The following RCAN2 variants were observed in gnomAD, a reference collection of about 807,000 sequenced individuals.
The protein encoded by RCAN2 is regulator of calcineurin 2.
Under a neutral mutation model 23.6 loss-of-function variants are expected in RCAN2, and 9 were observed. The ratio of observed to expected loss-of-function variants is 0.38; its 90% CI spans 0.23 to 0.67. The LOEUF (loss-of-function observed/expected upper bound fraction) is 0.67. Ranked by LOEUF, RCAN2 falls within the 30% of genes least tolerant of loss-of-function variation. RCAN2 has a pLI of 0.51. For synonymous variants in RCAN2, 109 were observed against 115.7 expected, an observed-to-expected ratio of 0.94 and a Z score of 0.37; for missense variants, 273 against 302.3, an observed-to-expected ratio of 0.90 and a Z score of 0.72.
intron 2 of RCAN2, among the ~76,000 whole-genome samples, chr6:46,345,121 T>G (rs977251538): frequency 6.6e-6 from 1 of 152,016 alleles, no homozygotes; most frequent in Non-Finnish European, 1.5e-5. Context: ...TAGGTCTACA[T>G]TATCAAAGTA....
chr6:46,271,389 G>T (rs570899307), intron 2 of RCAN2, among the ~76,000 whole-genome samples: 1 of 152,174 alleles, frequency 6.6e-6, no homozygotes. Flanking sequence ...GCCCACACAC[G>T]CTATGAAGGT....
intron 4 of RCAN2, among the ~76,000 whole-genome samples, chr6:46,242,034 A>C (rs1476051309): frequency 2.0e-5 from 3 of 152,172 alleles, no homozygotes; most frequent in Admixed American, 1.3e-4. Flanking sequence ...TAATTTTCGG[A>C]ATATAAACTT....
At chr6:46,412,938 G>T (rs961908607) in intron 2 of RCAN2, among the ~76,000 whole-genome samples, 3 of 152,196 alleles carry the variant, frequency 2.0e-5, no homozygotes, top group African/African-American at 7.2e-5. Flanking sequence ...TTCACTTAGA[G>T]CCATGTGAGG....
intron 1 of RCAN2, among the ~76,000 whole-genome samples, chr6:46,488,159 A>C (rs1009077924): frequency 1.3e-5 from 2 of 152,338 alleles, no homozygotes; most frequent in Non-Finnish European, 2.9e-5. Context: ...AAAAAGAATT[A>C]TTTTAATGCT....
chr6:46,272,450 G>A (rs1303714351), intron 2 of RCAN2, among the ~76,000 whole-genome samples: 1 of 152,118 alleles, frequency 6.6e-6, no homozygotes, highest in Non-Finnish European at 1.5e-5. Context: ...ACTATTGCTG[G>A]CCTCTTGAAA....
intron 1 of RCAN2, among the ~76,000 whole-genome samples, chr6:46,473,095 C>T (rs532019676): frequency 4.5e-4 from 68 of 152,308 alleles, no homozygotes; most frequent in Admixed American, 7.2e-4. Flanking sequence ...AGTCATGTTT[C>T]AGGACAGTTT....
At chr6:46,325,902 G>T in intron 2 of RCAN2, 1 of 984,740 alleles carries the variant, frequency 1.0e-6, no homozygotes, top group Non-Finnish European at 1.2e-6. Context: ...AGCAGGAGGG[G>T]GTGAATCTGA....
At chr6:46,466,090 C>T (rs1047226436) in intron 1 of RCAN2, among the ~76,000 whole-genome samples, 1 of 152,142 alleles carries the variant, frequency 6.6e-6, no homozygotes, top group Non-Finnish European at 1.5e-5. Context: ...CACCTGGAGA[C>T]AGAAGACCAT....
chr6:46,244,418 T>A (rs1427360013), intron 4 of RCAN2, among the ~76,000 whole-genome samples: 2 of 152,212 alleles, frequency 1.3e-5, no homozygotes, highest in African/African-American at 4.8e-5. Context: ...CAAGTCACAT[T>A]TGTCCCTGTC....
intron 2 of RCAN2, among the ~76,000 whole-genome samples, chr6:46,280,083 C>G (rs1305017701): frequency 6.6e-6 from 1 of 152,144 alleles, no homozygotes; most frequent in African/African-American, 2.4e-5. Flanking sequence ...TGCCTTAGTA[C>G]TCCTAGTAAA....
chr6:46,330,931 T>C (rs1412888865), intron 2 of RCAN2, among the ~76,000 whole-genome samples: 1 of 152,232 alleles, frequency 6.6e-6, no homozygotes, highest in Non-Finnish European at 1.5e-5. Context: ...GCAAGACTCC[T>C]TCCTAGATGG....
intron 2 of RCAN2, among the ~76,000 whole-genome samples, chr6:46,400,166 T>C (rs890687356): frequency 2.0e-5 from 3 of 152,202 alleles, no homozygotes; most frequent in Non-Finnish European, 4.4e-5. Flanking sequence ...TGATCACTTC[T>C]ACTGTGGGGT....
At chr6:46,250,368 T>C (rs1373520924) in intron 2 of RCAN2, among the ~76,000 whole-genome samples, 1 of 152,202 alleles carries the variant, frequency 6.6e-6, no homozygotes, top group Non-Finnish European at 1.5e-5. Flanking sequence ...TAGAGAAACT[T>C]CCACTAAGGA....
chr6:46,431,275 G>A (rs914298342), intron 2 of RCAN2, among the ~76,000 whole-genome samples: 50 of 151,912 alleles, frequency 3.3e-4, no homozygotes, highest in Admixed American at 3.1e-3. Flanking sequence ...GCACAATCAC[G>A]GCTCACTGCA....
chr6:46,444,387 GA>G (rs2150424573), intron 2 of RCAN2, among the ~76,000 whole-genome samples: 1 of 152,258 alleles, frequency 6.6e-6, no homozygotes, highest in African/African-American at 2.4e-5. Context: ...TTGGCTTGGG[GA>G]GGGCTACACA....
chr6:46,449,748 A>G (rs1767820449), intron 2 of RCAN2, among the ~76,000 whole-genome samples: 1 of 151,940 alleles, frequency 6.6e-6, no homozygotes, highest in African/African-American at 2.4e-5. Context: ...AATAATAATA[A>G]TGTTGGAACA....
At chr6:46,397,264 A>AG (rs1429411927) in intron 2 of RCAN2, among the ~76,000 whole-genome samples, 2 of 152,050 alleles carry the variant, frequency 1.3e-5, no homozygotes, top group Non-Finnish European at 2.9e-5. Context: ...GTAACTACAA[A>AG]GGGGGGTACC....
intron 1 of RCAN2, among the ~76,000 whole-genome samples, chr6:46,489,841 C>T (rs902411076): frequency 2.6e-5 from 4 of 152,228 alleles, no homozygotes; most frequent in Non-Finnish European, 4.4e-5. Flanking sequence ...GTGCAACTCA[C>T]ATTTTAGACT....
intron 2 of RCAN2, among the ~76,000 whole-genome samples, chr6:46,336,146 G>A (rs1013444832): frequency 6.6e-6 from 1 of 152,180 alleles, no homozygotes; most frequent in Non-Finnish European, 1.5e-5. Flanking sequence ...AGACACAGTT[G>A]GAAAGCAGCA....
Sources: gnomAD v4.1 joint callset for allele counts (sites outside exome capture counted in the v4.1 genomes callset) on GRCh38, gnomAD v4.1.1 for gene constraint, MANE v1.5 for transcripts, NCBI Gene and HGNC (gene_info 2026-07-23, HGNC 2026-07-21) for gene names.